TPTE: variants seen among roughly 807,000 people sequenced by gnomAD.
TPTE encodes transmembrane phosphatase with tensin homology.
TPTE carries 59 observed loss-of-function variants against 84.1 expected under a neutral mutation model. The observed-to-expected ratio is 0.70, with a 90% CI of 0.57 to 0.87. TPTE has a LOEUF of 0.87. TPTE is among the 40% of genes least tolerant of loss of function. The pLI, the probability that TPTE is intolerant of heterozygous loss-of-function variation, is 0.00. For missense variants in TPTE, 382 were observed against 659.6 expected (o/e 0.58, Z 4.61); for synonymous variants, 130 against 223.5 (o/e 0.58, Z 3.73).
At chr21:10,601,920 AATT>A in intron 21 of TPTE, 135 bp from the exon 22 acceptor site, 1 of 857,726 alleles carries the variant, frequency 1.2e-6, no homozygotes, top group Non-Finnish European at 1.8e-6. Context: ...GATTATTAAT[AATT>A]ATTTATGTAT....
intron 7 of TPTE, among the ~76,000 whole-genome samples, chr21:10,545,974 A>G (rs1434271065): frequency 6.6e-6 from 1 of 152,180 alleles, no homozygotes; most frequent in Non-Finnish European, 1.5e-5. Flanking sequence ...ATGTATATAT[A>G]CACATATATA....
At chr21:10,550,799 ACATT>A (rs1273196032) in intron 7 of TPTE, among the ~76,000 whole-genome samples, 1 of 152,310 alleles carries the variant, frequency 6.6e-6, no homozygotes, top group Non-Finnish European at 1.5e-5. Context: ...TGCAGAATAC[ACATT>A]CTTTTCATCA....
At chr21:10,601,954 C>T (rs10433268) in intron 21 of TPTE, 104 bp from the exon 22 acceptor site, 4 of 1,318,172 alleles carry the variant, frequency 3.0e-6, no homozygotes, top group South Asian at 2.5e-5. Context: ...GGCTGTGAGA[C>T]CAAAAGTACT....
chr21:10,554,835 C>T (rs2074648691), intron 8 of TPTE, among the ~76,000 whole-genome samples: 1 of 152,302 alleles, frequency 6.6e-6, no homozygotes, highest in Non-Finnish European at 1.5e-5. Context: ...TAGAAATTTA[C>T]TTTTCTCCTA....
At chr21:10,546,746 A>T (rs1477400978) in intron 7 of TPTE, among the ~76,000 whole-genome samples, 1 of 152,312 alleles carries the variant, frequency 6.6e-6, no homozygotes, top group Non-Finnish European at 1.5e-5. Context: ...ATCCAGGACA[A>T]GGCCCTCACT....
chr21:10,563,215 A>T (rs1254911604), intron 10 of TPTE, among the ~76,000 whole-genome samples: 1 of 152,310 alleles, frequency 6.6e-6, no homozygotes, highest in Non-Finnish European at 1.5e-5. Flanking sequence ...AAGCTGAGGG[A>T]TTTTGTCAAC....
In TPTE at chr21:10,594,402, G is replaced by A. The variant is rs1456296334; in HGVS notation, c.1171-1580G>A. 1.0e-4 allele frequency among the ~76,000 whole-genome samples: 16 copies of A among 152,408 alleles called. No homozygotes were observed. The South Asian group carries it at 3.3e-3, about 32-fold the overall frequency. On this transcript the variant is annotated intron_variant, in intron 19 of 23. Coordinates refer to ENST00000618007, the MANE Select transcript of TPTE (RefSeq NM_199261.4). ...GGTGACTTCTGTATCCCCTTTAAAG[G>A]CAAAGCCCGTGGCTTACCCATCTTT...
chr21:10,565,401 G>T lies in TPTE; in HGVS notation c.447-2269G>T, dbSNP rs1299281998. Among the ~76,000 whole-genome samples the T allele has an allele frequency of 3.3e-5, 5 of 152,422 alleles. No homozygotes were observed. In the South Asian group the frequency reaches 6.2e-4, roughly 19 times the overall value. On this transcript the variant is annotated intron_variant, in intron 10 of 23. Coordinates refer to ENST00000618007, the MANE Select transcript of TPTE (RefSeq NM_199261.4). ...GAGATTCCATGTTCATGGATTGGAA[G>T]AATCAATATTGTTAAAATGTCCATA...
intron 14 of TPTE, among the ~76,000 whole-genome samples, chr21:10,571,985 G>A (rs190602047): frequency 7.9e-5 from 12 of 152,132 alleles, no homozygotes; most frequent in Middle Eastern, 3.4e-3. Flanking sequence ...AGCCTGGGTG[G>A]CAGAGTGATA....
intron 2 of TPTE, among the ~76,000 whole-genome samples, chr21:10,525,459 G>A (rs1316762124): frequency 6.6e-6 from 1 of 152,308 alleles, no homozygotes; most frequent in African/African-American, 2.4e-5. Flanking sequence ...AAGCTTTCAT[G>A]CTTGGAGTAC....
chr21:10,539,095 G>A (rs2074320414), intron 4 of TPTE, among the ~76,000 whole-genome samples: 1 of 152,308 alleles, frequency 6.6e-6, no homozygotes, highest in African/African-American at 2.4e-5. Context: ...CTATGTTAGT[G>A]TATTTGTCAC....
intron 20 of TPTE, 33 bp from the exon 21 acceptor site, chr21:10,597,982 A>T: frequency 6.2e-7 from 1 of 1,611,422 alleles, no homozygotes; most frequent in Non-Finnish European, 8.5e-7. Flanking sequence ...ACGCTAGCCA[A>T]CCTAACTTTT....
intron 3 of TPTE, among the ~76,000 whole-genome samples, chr21:10,535,005 C>G (rs1276302675): frequency 6.6e-6 from 1 of 152,308 alleles, no homozygotes; most frequent in East Asian, 1.9e-4. Context: ...GACTAGAAAT[C>G]TGAAATTGAG....
At chr21:10,576,838 C>T (rs368687521) in intron 14 of TPTE, among the ~76,000 whole-genome samples, 55 of 135,962 alleles carry the variant, frequency 4.0e-4, no homozygotes, top group Non-Finnish European at 6.1e-4. Context: ...TACATATATA[C>T]ATATATATAT....
intron 19 of TPTE, among the ~76,000 whole-genome samples, chr21:10,593,414 A>T (rs2075522835): frequency 6.6e-6 from 1 of 152,310 alleles, no homozygotes; most frequent in African/African-American, 2.4e-5. Flanking sequence ...ATTCAAACAA[A>T]GTCCACACAT....
At chr21:10,588,734 C>G (rs2075411860) in intron 17 of TPTE, among the ~76,000 whole-genome samples, 1 of 152,310 alleles carries the variant, frequency 6.6e-6, no homozygotes. Flanking sequence ...TTTTGTCTGA[C>G]TGGATTAGTT....
intron 7 of TPTE, among the ~76,000 whole-genome samples, chr21:10,543,653 T>C (rs1310216311): frequency 6.6e-6 from 1 of 152,298 alleles, no homozygotes; most frequent in Non-Finnish European, 1.5e-5. Context: ...TGTAGATAAC[T>C]TTGCACCTTT....
chr21:10,592,429 A>G, intron 19 of TPTE, 56 bp downstream of exon 19: 4 of 1,595,146 alleles, frequency 2.5e-6, no homozygotes, highest in Non-Finnish European at 3.4e-6. Context: ...TCAGATTGCC[A>G]CCTGTTATTT....
At chr21:10,564,778 A>T (rs1266426520) in intron 10 of TPTE, among the ~76,000 whole-genome samples, 1 of 152,282 alleles carries the variant, frequency 6.6e-6, no homozygotes, top group Non-Finnish European at 1.5e-5. Flanking sequence ...GATGCTGAAA[A>T]AGCATTTGAT....
Sources: gnomAD v4.1 joint callset for allele counts (sites outside exome capture counted in the v4.1 genomes callset) on GRCh38, gnomAD v4.1.1 for gene constraint, MANE v1.5 for transcripts, NCBI Gene and HGNC (gene_info 2026-07-23, HGNC 2026-07-21) for gene names.